PHACTR1: variants seen among roughly 807,000 people sequenced by gnomAD.
PHACTR1 encodes the protein RPEL repeat containing 1.
Under a neutral mutation model 69.2 loss-of-function variants are expected in PHACTR1, and 16 were observed. The observed-to-expected ratio is 0.23, with a 90% CI of 0.16 to 0.35. The LOEUF (loss-of-function observed/expected upper bound fraction) is 0.35, where lower values mean the gene tolerates loss of function less well. PHACTR1 is among the 10% of genes least tolerant of loss of function. The pLI is 1.00. For synonymous variants in PHACTR1, 312 were observed against 284.5 expected (o/e 1.10, Z -0.97); for missense variants, 510 against 734.7 (o/e 0.69, Z 3.54).
rs368213233 is a variant in PHACTR1, at chr6:13,249,625, C to G, written c.1391+19432C>G. On this transcript the variant is annotated intron_variant, in intron 10 of 14. Transcript: ENST00000332995. Reference sequence around the variant, plus strand: ...ACCAGCCTGGCTAACATGGTGAAACCTCATGTCTACTAAAACTACAAAAAT... The same window carrying G: ...ACCAGCCTGGCTAACATGGTGAAACGTCATGTCTACTAAAACTACAAAAAT... Among the ~76,000 whole-genome samples the G allele has an allele frequency of 1.3e-3, 194 of 152,082 alleles. 4 individuals carry two copies. In the South Asian group the frequency reaches 0.04, roughly 31 times the overall value.
In PHACTR1 at chr6:13,271,646, C is replaced by T. The variant is rs1023374102; in HGVS notation, c.1392-1214C>T. The stretch of plus-strand genomic sequence containing the variant: ...TAAATCATCTCTAAATTACTTATAT[C>T]TAATACAAGATAAATGCTATATCAA... On this transcript the variant is annotated intron_variant, in intron 10 of 14. Transcript: ENST00000332995. Among the ~76,000 whole-genome samples the T allele has an allele frequency of 4.0e-5, 6 of 151,788 alleles. No homozygotes were observed. In the East Asian group the frequency reaches 1.2e-3, roughly 29 times the overall value.
At chr6:12,905,813 A>G (rs1205529314) in intron 4 of PHACTR1, among the ~76,000 whole-genome samples, 1 of 152,192 alleles carries the variant, frequency 6.6e-6, no homozygotes, top group Non-Finnish European at 1.5e-5. Flanking sequence ...ATTTAAGATG[A>G]TATTAGGATA....
chr6:13,150,331 G>C (rs1285628624), intron 5 of PHACTR1, among the ~76,000 whole-genome samples: 1 of 152,116 alleles, frequency 6.6e-6, no homozygotes, highest in East Asian at 1.9e-4. Context: ...AACAGAGTGA[G>C]ACTCTGCCTC....
rs575700111 is a variant in PHACTR1 at position 12,850,347 on chromosome 6, C to T, written c.250+100557C>T. ...CCTGCACTCTTGCCCATCAGGCCCG[C>T]GTGCAGATGCAAAGTCCTCCTTCAC... On this transcript the variant is annotated intron_variant, in intron 4 of 14. Transcript: ENST00000332995. Among the ~76,000 whole-genome samples, 27 of 152,370 alleles carry T rather than the reference C, an allele frequency of 1.8e-4. No homozygotes were observed. The East Asian group carries it at 2.9e-3, about 16-fold the overall frequency.
At chr6:13,285,764 G>C (rs1013904376) in intron 13 of PHACTR1, among the ~76,000 whole-genome samples, 1 of 152,144 alleles carries the variant, frequency 6.6e-6, no homozygotes, top group African/African-American at 2.4e-5. Flanking sequence ...TCTCCACCTC[G>C]AGGCATCACT....
intron 4 of PHACTR1, among the ~76,000 whole-genome samples, chr6:12,797,493 C>T (rs548941300): frequency 6.6e-6 from 1 of 152,268 alleles, no homozygotes; most frequent in Non-Finnish European, 1.5e-5. Context: ...CATTCCTGTG[C>T]ACCTTCTCCA....
intron 5 of PHACTR1, among the ~76,000 whole-genome samples, chr6:13,055,685 G>T (rs1011925966): frequency 2.0e-4 from 30 of 152,330 alleles, no homozygotes; most frequent in African/African-American, 6.5e-4. Context: ...GCTTTGTTTA[G>T]TTCATTTGAC....
intron 4 of PHACTR1, among the ~76,000 whole-genome samples, chr6:12,830,185 A>G (rs1484340509): frequency 1.3e-5 from 2 of 151,400 alleles, no homozygotes; most frequent in South Asian, 4.2e-4. Context: ...AAGACACTCC[A>G]TGTATTTAAT....
intron 4 of PHACTR1, among the ~76,000 whole-genome samples, chr6:12,892,848 G>C (rs1437934532): frequency 6.6e-6 from 1 of 152,214 alleles, no homozygotes; most frequent in Non-Finnish European, 1.5e-5. Context: ...TTCCACAAGA[G>C]ATATCATCAT....
chr6:13,006,046 C>T (rs920167381), intron 4 of PHACTR1, among the ~76,000 whole-genome samples: 12 of 152,306 alleles, frequency 7.9e-5, no homozygotes, highest in Middle Eastern at 3.4e-3. Context: ...TTTTGTTAAA[C>T]GGCCCTGAGG....
chr6:12,946,270 A>G (rs550089972), intron 4 of PHACTR1, among the ~76,000 whole-genome samples: 3 of 152,256 alleles, frequency 2.0e-5, no homozygotes, highest in African/African-American at 7.2e-5. Context: ...GTGAAAAATG[A>G]GCAGGAATGT....
chr6:12,795,954 A>T (rs1489695395), intron 4 of PHACTR1, among the ~76,000 whole-genome samples: 8 of 152,190 alleles, frequency 5.3e-5, no homozygotes, highest in African/African-American at 1.9e-4. Context: ...AAGTAAATAA[A>T]GAATTAATAT....
chr6:12,818,863 C>T (rs551012992), intron 4 of PHACTR1, among the ~76,000 whole-genome samples: 25 of 152,290 alleles, frequency 1.6e-4, no homozygotes, highest in Admixed American at 1.6e-3. Context: ...TTCCTTTTTA[C>T]TGTTTGGAAA....
intron 4 of PHACTR1, among the ~76,000 whole-genome samples, chr6:12,880,421 A>G (rs1782971462): frequency 6.6e-6 from 1 of 151,896 alleles, no homozygotes; most frequent in Admixed American, 6.6e-5. Context: ...CTACCTGGCT[A>G]ATTCTTGTAT....
chr6:12,815,609 C>A (rs1347508031), intron 4 of PHACTR1, among the ~76,000 whole-genome samples: 2 of 152,184 alleles, frequency 1.3e-5, no homozygotes, highest in Non-Finnish European at 2.9e-5. Context: ...AACTCCTTCA[C>A]CTTCTCCCAA....
intron 10 of PHACTR1, among the ~76,000 whole-genome samples, chr6:13,270,964 CAAGAGA>C (rs1041494315): frequency 4.7e-5 from 7 of 149,596 alleles, no homozygotes; most frequent in Non-Finnish European, 7.4e-5. Flanking sequence ...AAAGCAGGAG[CAAGAGA>C]GAGAGAGAGA....
intron 4 of PHACTR1, among the ~76,000 whole-genome samples, chr6:12,901,692 C>T (rs1471755505): frequency 2.0e-5 from 3 of 152,142 alleles, no homozygotes; most frequent in African/African-American, 7.2e-5. Flanking sequence ...AACGGGGTTT[C>T]ACCATGTTGG....
chr6:12,749,630 C>CT lies in PHACTR1; in HGVS notation c.104-12dup. On this transcript the variant is annotated splice_polypyrimidine_tract_variant and intron_variant, in intron 3 of 14. Transcript: ENST00000332995. Reference sequence around the variant, plus strand: ...GCCTCTCTCCCTCTCCCTCCGTCTCCTTCTCCCTCTCAGCTCGCCGGGCGA... The same window carrying CT: ...GCCTCTCTCCCTCTCCCTCCGTCTCCTTTCTCCCTCTCAGCTCGCCGGGCGA... The CT allele has an allele frequency of 6.3e-7, 1 of 1,591,788 alleles. No homozygotes were observed. The highest frequency in any genetic ancestry group is 8.6e-7 in the Non-Finnish European group (1 of 1,167,932).
At chr6:12,838,648 T>A (rs1485523376) in intron 4 of PHACTR1, among the ~76,000 whole-genome samples, 2 of 152,218 alleles carry the variant, frequency 1.3e-5, no homozygotes, top group Non-Finnish European at 2.9e-5. Context: ...TTGTTGGATG[T>A]GTTTGGAAAA....
Sources: allele counts gnomAD v4.1 joint callset (sites outside exome capture counted in the v4.1 genomes callset), GRCh38; gene constraint gnomAD v4.1.1; transcripts MANE v1.5; gene names NCBI Gene and HGNC (gene_info 2026-07-23, HGNC 2026-07-21).